Variants in HYDIN observed in about 807,000 individuals in gnomAD.
HYDIN encodes HYDIN axonemal central pair apparatus protein, also known as axonemal central pair apparatus protein HYDIN.
In HYDIN, 132 loss-of-function variants were observed where a neutral mutation model predicts 403.9. The ratio of observed to expected loss-of-function variants is 0.33; its 90% CI spans 0.28 to 0.38. The LOEUF (loss-of-function observed/expected upper bound fraction) is 0.38. Ranked by LOEUF, HYDIN falls within the 10% of genes least tolerant of loss-of-function variation. The pLI is 1.00. For missense variants in HYDIN, 2,827 were observed against 5,009.5 expected (o/e 0.56, Z 13.15); for synonymous variants, 1,202 against 1,891.7 (o/e 0.64, Z 9.46).
At chr16:71,016,397 T>G (rs2080258315) in intron 23 of HYDIN, among the ~76,000 whole-genome samples, 1 of 152,114 alleles carries the variant, frequency 6.6e-6, no homozygotes, top group Admixed American at 6.5e-5. Flanking sequence ...TCAGGGAAAT[T>G]CAATAAAAAC....
chr16:71,135,018 T>G (rs1298467632), intron 8 of HYDIN, among the ~76,000 whole-genome samples: 1 of 152,158 alleles, frequency 6.6e-6, no homozygotes, highest in Non-Finnish European at 1.5e-5. Flanking sequence ...AAACAGGAGT[T>G]CTGGCCCTGT....
chr16:71,004,919 T>C (rs1174065106), intron 23 of HYDIN, among the ~76,000 whole-genome samples: 1 of 152,162 alleles, frequency 6.6e-6, no homozygotes, highest in Non-Finnish European at 1.5e-5. Context: ...AGATTTCTTT[T>C]TTTATAAAAG....
At chr16:71,061,239 A>C (rs1311844073) in intron 17 of HYDIN, among the ~76,000 whole-genome samples, 1 of 149,326 alleles carries the variant, frequency 6.7e-6, no homozygotes, top group Non-Finnish European at 1.5e-5. Flanking sequence ...GGACAGCAGC[A>C]CAGTGAGCCT....
intron 38 of HYDIN, 98 bp downstream of exon 38, chr16:70,961,861 A>G: frequency 2.1e-6 from 2 of 936,198 alleles, no homozygotes; most frequent in Admixed American, 4.8e-5. Context: ...GCTAGGAGCC[A>G]TACGAGGAGG....
chr16:71,165,013 C>T (rs1251166321), intron 5 of HYDIN, among the ~76,000 whole-genome samples: 1 of 152,078 alleles, frequency 6.6e-6, no homozygotes, highest in Non-Finnish European at 1.5e-5. Context: ...CCACCTCCAC[C>T]CCCGCCACCC....
chr16:70,857,963 A>G, intron 71 of HYDIN, 93 bp from the exon 72 acceptor site: 1 of 1,107,206 alleles, frequency 9.0e-7, no homozygotes, highest in Admixed American at 2.9e-5. Context: ...GGGTCATGAG[A>G]GTTGATGTTA....
intron 7 of HYDIN, among the ~76,000 whole-genome samples, chr16:71,141,460 A>C (rs1261361673): frequency 5.9e-5 from 9 of 152,028 alleles, no homozygotes; most frequent in African/African-American, 2.2e-4. Context: ...AAAACTAAGA[A>C]ATTTGATTAC....
Position 71,105,256 on chromosome 16 carries a change from T to C in HYDIN, c.1327+10440A>G, listed in dbSNP as rs148806539. On this transcript the variant is annotated intron_variant, in intron 10 of 85. Transcript: ENST00000393567. ...GAAAAATACCCAGAATACATCATAG[T>C]GAGACCAGAAATGTGCAGAGACATT... Among the ~76,000 whole-genome samples the C allele has an allele frequency of 6.9e-3, 1,054 of 151,846 alleles. 7 individuals are homozygous for C. The highest frequency in any genetic ancestry group is 0.024 in the African/African-American group (1,009 of 41,440).
rs1022598956 is a variant in HYDIN, at chr16:71,196,914, T to C, written c.-23-9996A>G. 3.3e-5 allele frequency among the ~76,000 whole-genome samples: 5 copies of C among 152,216 alleles called. No homozygotes were observed. The South Asian group carries it at 8.3e-4, about 25-fold the overall frequency. On this transcript the variant is annotated intron_variant, in intron 1 of 85. Coordinates refer to ENST00000393567, the MANE Select transcript of HYDIN (RefSeq NM_001270974.2). ...TGAATAATCCACCCCTTGTTTAGCATATAATCAATAAATAAACATAAAAAT... is the reference window on the plus strand; with the variant it reads ...TGAATAATCCACCCCTTGTTTAGCACATAATCAATAAATAAACATAAAAAT...
rs1382882042 is a variant in HYDIN at position 71,052,288 on chromosome 16, C to T, written c.2529+8216G>A. On this transcript the variant is annotated intron_variant, in intron 18 of 85. Coordinates refer to ENST00000393567, the MANE Select transcript of HYDIN (RefSeq NM_001270974.2). ...GCTTTTAAGACAGTAAGGGTAGTGA[C>T]ACTGAGATAGATAAATGGGATATAA... Among the ~76,000 whole-genome samples, 6 of 151,570 alleles carry T rather than the reference C, an allele frequency of 4.0e-5. No homozygotes were observed. The East Asian group carries it at 1.2e-3, about 30-fold the overall frequency.
chr16:70,971,044 C>T (rs1265635527), intron 35 of HYDIN, among the ~76,000 whole-genome samples: 1 of 152,208 alleles, frequency 6.6e-6, no homozygotes, highest in African/African-American at 2.4e-5. Flanking sequence ...CTGAGTATCA[C>T]TTTCACATCC....
rs1461257330 is a variant in HYDIN, at chr16:70,868,586, A to G, written c.11294T>C (p.Phe3765Ser). The G allele has an allele frequency of 6.2e-7, 1 of 1,611,876 alleles. No individual in the cohort carries two copies. Among genetic ancestry groups the G allele is most frequent in the Non-Finnish European group, 8.5e-7 (1 of 1,179,684 alleles). ...VDVPRNMPGT[F>S]TTKRKVIETD... ...CCCACTTACTTTTCGTTTTGTAGTG[A>G]AAGTCCCAGGCATGTTTCTGGGTAC... The change falls in exon 66 of 86, where the codon TTC becomes TCC. Residue 3765 changes from phenylalanine to serine, a missense_variant. By Grantham distance (155) the Phe-to-Ser change is radical. Coordinates refer to ENST00000393567, the MANE Select transcript of HYDIN (RefSeq NM_001270974.2).
Position 70,884,680 on chromosome 16 carries a change from TAAAACAAAACAAAACAAAAC to T in HYDIN, c.9775-576_9775-557del, listed in dbSNP as rs60100896. Among the ~76,000 whole-genome samples the T allele has an allele frequency of 1.0e-3, 146 of 146,294 alleles. 1 individual carries two copies. In the Middle Eastern group the frequency reaches 0.01, roughly 10 times the overall value. Reference sequence around the variant, plus strand: ...ATAGCATCTGGTATGGAATTAGTGCTAAAACAAAACAAAACAAAACAAAACAAAACAAAACAAAACAAAAC... The same window carrying T: ...ATAGCATCTGGTATGGAATTAGTGCTAAAACAAAACAAAACAAAACAAAAC... On this transcript the variant is annotated intron_variant, in intron 58 of 85. Coordinates refer to ENST00000393567, the MANE Select transcript of HYDIN (RefSeq NM_001270974.2).
At position 70,973,413 on chromosome 16, in the gene HYDIN, T is replaced by C; in HGVS notation, c.5309A>G (p.Gln1770Arg). Residue 1770 changes from glutamine to arginine, a missense_variant, in exon 35 of 86, where the codon CAG (glutamine) becomes CGG (arginine). Gln to Arg is a conservative substitution (Grantham distance 43, BLOSUM62 1). Transcript: ENST00000393567. The part of the protein sequence containing the change: ...LKPKTRIFEI[Q>R]PISGVLDPGE... ...AGGATCCAAGACTCCAGAAATGGGC[T>C]GGATTTCGAAGATCCGTGTCTTTGG... 1.8e-6 allele frequency: 1 copy of C among 545,778 alleles called. No individual in the cohort carries two copies. Among genetic ancestry groups the C allele is most frequent in the Non-Finnish European group, 3.2e-6 (1 of 312,328 alleles). The allele number at this position is 545,778 out of a possible 1,614,324, so 33.8% of individuals were successfully genotyped here.
intron 66 of HYDIN, 145 bp from the exon 67 acceptor site, chr16:70,866,474 C>G: frequency 1.7e-6 from 1 of 603,682 alleles, no homozygotes; most frequent in East Asian, 2.9e-5. Context: ...TGGTGGATCA[C>G]TAGGGAACAG....
intron 1 of HYDIN, among the ~76,000 whole-genome samples, chr16:71,191,106 G>A (rs1405697951): frequency 6.6e-6 from 1 of 152,072 alleles, no homozygotes; most frequent in African/African-American, 2.4e-5. Context: ...CTGAATAATG[G>A]ATGATATAAA....
At chr16:71,003,236 T>C (rs1455599690) in intron 23 of HYDIN, among the ~76,000 whole-genome samples, 5 of 152,182 alleles carry the variant, frequency 3.3e-5, no homozygotes, top group Non-Finnish European at 7.3e-5. Flanking sequence ...CCCTCTTCTA[T>C]ATAAAGTTTA....
At chr16:70,930,770 TC>T (rs1221586998) in intron 45 of HYDIN, among the ~76,000 whole-genome samples, 1 of 152,160 alleles carries the variant, frequency 6.6e-6, no homozygotes, top group Non-Finnish European at 1.5e-5. Context: ...CAAAACTTGA[TC>T]CAACCAAGCT....
chr16:70,986,350 T>C (rs954425070), intron 27 of HYDIN, among the ~76,000 whole-genome samples: 3 of 151,806 alleles, frequency 2.0e-5, no homozygotes, highest in East Asian at 3.9e-4. Context: ...TAGGAAAAGC[T>C]AGGGTGAGGT....
Sources: gnomAD v4.1 joint callset for allele counts (sites outside exome capture counted in the v4.1 genomes callset) on GRCh38, gnomAD v4.1.1 for gene constraint, MANE v1.5 for transcripts, NCBI Gene and HGNC (gene_info 2026-07-23, HGNC 2026-07-21) for gene names.